The following HGSNAT variants were observed in gnomAD, a reference collection of about 807,000 sequenced individuals.
HGSNAT encodes transmembrane protein 76.
A neutral mutation model predicts 85.2 loss-of-function variants in HGSNAT; 59 were observed. That is an observed-to-expected ratio of 0.69 (90% CI 0.56 to 0.86). HGSNAT has a LOEUF of 0.86. HGSNAT is among the 40% of genes least tolerant of loss of function. The pLI, the probability that HGSNAT is intolerant of heterozygous loss-of-function variation, is 0.00. For synonymous variants in HGSNAT, 321 were observed against 304.5 expected (o/e 1.05, Z -0.56); for missense variants, 756 against 777.1 (o/e 0.97, Z 0.32).
intron 4 of HGSNAT, among the ~76,000 whole-genome samples, 172 bp from the exon 5 acceptor site, chr8:43,161,266 A>AT (rs2130721431): frequency 6.6e-6 from 1 of 152,266 alleles, no homozygotes; most frequent in African/African-American, 2.4e-5. Context: ...TATGTTTGAT[A>AT]TTTTTTATAA....
rs756486644 is a variant in HGSNAT, at chr8:43,169,161, A to T, written c.564-12A>T. On this transcript the variant is annotated splice_polypyrimidine_tract_variant and intron_variant, in intron 5 of 17. Transcript: ENST00000379644. ...TGAAAATAAATTAATTGAGCCCTTT[A>T]TTTATTTTCAGTTTGGATGACTTTA... 1.3e-6 allele frequency: 2 copies of T among 1,504,664 alleles called. No homozygotes were observed. Among genetic ancestry groups the T allele is most frequent in the South Asian group, 1.3e-5 (1 of 75,624 alleles). The allele number at this position is 1,504,664 out of a possible 1,614,324, so 93.2% of individuals were successfully genotyped here.
At chr8:43,164,642 G>A (rs1390818188) in intron 5 of HGSNAT, among the ~76,000 whole-genome samples, 3 of 152,108 alleles carry the variant, frequency 2.0e-5, no homozygotes, top group South Asian at 2.1e-4. Context: ...TTAGCTGGGC[G>A]TGGCGGCGCA....
At chr8:43,171,417 C>T (rs1376231743) in intron 7 of HGSNAT, among the ~76,000 whole-genome samples, 3 of 152,160 alleles carry the variant, frequency 2.0e-5, no homozygotes, top group Non-Finnish European at 2.9e-5. Context: ...ACTGTTCTAA[C>T]TCGTCTTAAT....
At chr8:43,141,323 C>G (rs563717661) in intron 1 of HGSNAT, among the ~76,000 whole-genome samples, 2 of 152,030 alleles carry the variant, frequency 1.3e-5, no homozygotes, top group Non-Finnish European at 2.9e-5. Context: ...TGGGAGGGGC[C>G]GGGCTGGGCG....
chr8:43,190,884 C>G (rs979383485), intron 11 of HGSNAT, among the ~76,000 whole-genome samples: 7 of 152,076 alleles, frequency 4.6e-5, no homozygotes, highest in African/African-American at 1.7e-4. Context: ...CACGAAGAAC[C>G]CTGCACTAAC....
chr8:43,176,154 T>C (rs1803802560), intron 9 of HGSNAT, among the ~76,000 whole-genome samples: 1 of 152,236 alleles, frequency 6.6e-6, no homozygotes, highest in Non-Finnish European at 1.5e-5. Flanking sequence ...CCCCAATGTT[T>C]TCTCTTAGTA....
intron 7 of HGSNAT, among the ~76,000 whole-genome samples, chr8:43,171,586 C>T (rs1803626879): frequency 6.6e-6 from 1 of 152,174 alleles, no homozygotes; most frequent in African/African-American, 2.4e-5. Flanking sequence ...ACTTGGGTTA[C>T]AGAGTCTCCC....
chr8:43,151,553 T>C (rs1050964857), intron 2 of HGSNAT, among the ~76,000 whole-genome samples: 1 of 152,170 alleles, frequency 6.6e-6, no homozygotes, highest in African/African-American at 2.4e-5. Flanking sequence ...CACAAAACAC[T>C]CATCATATGT....
intron 14 of HGSNAT, chr8:43,194,213 C>A: frequency 1.7e-6 from 1 of 589,560 alleles, no homozygotes. Flanking sequence ...GCCTGGGTAA[C>A]ATAGTGAGAC....
chr8:43,191,877 A>C (rs1361291714), intron 12 of HGSNAT, among the ~76,000 whole-genome samples: 4 of 151,970 alleles, frequency 2.6e-5, no homozygotes, highest in Admixed American at 2.6e-4. Context: ...TAGCTGGCTC[A>C]TGTTTGGGGC....
At chr8:43,167,956 T>A (rs1803484613) in intron 5 of HGSNAT, 1 of 253,042 alleles carries the variant, frequency 4.0e-6, no homozygotes, top group South Asian at 3.5e-5. Flanking sequence ...TCTTGCTATG[T>A]CACCCAGGCT....
intron 9 of HGSNAT, among the ~76,000 whole-genome samples, chr8:43,177,322 C>T (rs955891390): frequency 3.3e-5 from 5 of 151,340 alleles, no homozygotes; most frequent in East Asian, 1.9e-4. Context: ...GAGGCCGAGG[C>T]GGGCGGATCA....
chr8:43,158,927 G>C lies in HGSNAT; in HGVS notation c.376G>C (p.Glu126Gln). Reference protein sequence around the residue: ...TLEEKEVCRLEYRFGEFGNYS... With the variant: ...TLEEKEVCRLQYRFGEFGNYS... ...AATTTTACCTAATGTTTGTAGGTTGGAATACAGATTTGGAGAATTTGGAAA... is the reference window on the plus strand; with the variant it reads ...AATTTTACCTAATGTTTGTAGGTTGCAATACAGATTTGGAGAATTTGGAAA... Residue 126 changes from glutamate (E) to glutamine (Q), a missense_variant, in exon 4 of 18, where the codon GAA (glutamate) becomes CAA (glutamine). Transcript: ENST00000379644. 2 of 1,606,646 alleles carry C rather than the reference G, an allele frequency of 1.2e-6. No individual in the cohort carries two copies. Among genetic ancestry groups the C allele is most frequent in the Non-Finnish European group, 1.7e-6 (2 of 1,175,742 alleles).
In HGSNAT at chr8:43,172,399, C is replaced by T. The variant is rs1803656605; in HGVS notation, c.820+13C>T. The T allele has an allele frequency of 6.4e-7, 1 of 1,561,390 alleles. No homozygotes were observed. The highest frequency in any genetic ancestry group is 1.1e-5 in the South Asian group (1 of 89,904). ...GCAAGTTGGAATGGTAAGATATTTC[C>T]TAAAAGTAATGTTGCTTATATACGT... On this transcript the variant is annotated intron_variant, in intron 8 of 17. Transcript: ENST00000379644.
chr8:43,141,701 T>C (rs1195996634), intron 1 of HGSNAT, among the ~76,000 whole-genome samples: 1 of 151,948 alleles, frequency 6.6e-6, no homozygotes, highest in Non-Finnish European at 1.5e-5. Flanking sequence ...GAGAAAGGCG[T>C]TGTGAATTTT....
intron 2 of HGSNAT, among the ~76,000 whole-genome samples, chr8:43,153,249 G>A (rs1802976052): frequency 6.6e-6 from 1 of 152,028 alleles, no homozygotes; most frequent in African/African-American, 2.4e-5. Context: ...ATGGGGAAAG[G>A]TATTTAAAAT....
At position 43,196,990 on chromosome 8, in the gene HGSNAT, A is replaced by G. The variant is rs745961955; in HGVS notation, c.1507A>G (p.Ile503Val). ...LLYYKARTKDILIRFTAWCCI... is the reference protein window; with the variant it reads ...LLYYKARTKDVLIRFTAWCCI... ...GTATTACAAGGCTCGGACCAAAGAC[A>G]TCCTGATTCGATTCACTGCTTGGTG... Residue 503 changes from isoleucine to valine, a missense_variant, in exon 15 of 18, where the codon ATC becomes GTC. Coordinates refer to ENST00000379644, the MANE Select transcript of HGSNAT (RefSeq NM_152419.3). 1.2e-6 allele frequency: 2 copies of G among 1,612,644 alleles called. No individual in the cohort carries two copies.
chr8:43,182,426 C>A, intron 11 of HGSNAT, 166 bp downstream of exon 11: 1 of 686,734 alleles, frequency 1.5e-6, no homozygotes, highest in African/African-American at 1.8e-5. Context: ...GTGTGAGCCA[C>A]CATGCCTGGC....
At chr8:43,184,102 G>A (rs1334979153) in intron 11 of HGSNAT, among the ~76,000 whole-genome samples, 1 of 152,186 alleles carries the variant, frequency 6.6e-6, no homozygotes, top group East Asian at 1.9e-4. Flanking sequence ...ACATACGTGT[G>A]CATGTGTCTT....
Sources: gnomAD v4.1 joint callset for allele counts (sites outside exome capture counted in the v4.1 genomes callset) on GRCh38, gnomAD v4.1.1 for gene constraint, MANE v1.5 for transcripts, NCBI Gene and HGNC (gene_info 2026-07-23, HGNC 2026-07-21) for gene names.